The following CDH18 variants were observed in gnomAD, a reference collection of about 807,000 sequenced individuals.
CDH18 encodes the protein cadherin-18.
A neutral mutation model predicts 67.9 loss-of-function variants in CDH18; 31 were observed. The ratio of observed to expected loss-of-function variants is 0.46; its 90% CI spans 0.34 to 0.62. The LOEUF is 0.62. Among genes scored for constraint, CDH18 ranks in the 20% least tolerant of loss-of-function variants. The probability of loss-of-function intolerance (pLI) is 0.01; values close to 1 mark genes in which losing one functional copy is unlikely to be tolerated. For missense variants in CDH18, 890 were observed against 975.5 expected (o/e 0.91, Z 1.17); for synonymous variants, 362 against 347.2 (o/e 1.04, Z -0.48).
At chr5:20,127,178 G>C (rs1748905785) in intron 2 of CDH18, among the ~76,000 whole-genome samples, 1 of 152,040 alleles carries the variant, frequency 6.6e-6, no homozygotes, top group Non-Finnish European at 1.5e-5. Context: ...AGACCTGATT[G>C]TTAGAAAGTA....
At chr5:20,489,885 A>G (rs1191450595) in intron 1 of CDH18, among the ~76,000 whole-genome samples, 1 of 151,718 alleles carries the variant, frequency 6.6e-6, no homozygotes, top group Non-Finnish European at 1.5e-5. Context: ...TCAGGTTTTT[A>G]TTTTAATATT....
chr5:20,312,615 G>T (rs1737096568), intron 1 of CDH18, among the ~76,000 whole-genome samples: 1 of 151,990 alleles, frequency 6.6e-6, no homozygotes, highest in Non-Finnish European at 1.5e-5. Context: ...GCCCTTCCTT[G>T]AAAACTGCCC....
chr5:19,960,513 T>A (rs1486866217), intron 2 of CDH18, among the ~76,000 whole-genome samples: 1 of 150,516 alleles, frequency 6.6e-6, no homozygotes, highest in African/African-American at 2.4e-5. Context: ...CTGGAATATC[T>A]CCTGAAGGAC....
intron 2 of CDH18, among the ~76,000 whole-genome samples, chr5:20,222,426 T>C (rs1035934033): frequency 4.6e-5 from 7 of 152,116 alleles, no homozygotes; most frequent in African/African-American, 1.7e-4. Flanking sequence ...TCCCAAGCCA[T>C]AAATGTTGTA....
At chr5:19,851,636 A>C (rs1783705429) in intron 2 of CDH18, among the ~76,000 whole-genome samples, 1 of 151,880 alleles carries the variant, frequency 6.6e-6, no homozygotes, top group Non-Finnish European at 1.5e-5. Flanking sequence ...TTATAAATGC[A>C]TTTTATGTCT....
At chr5:20,010,392 A>G (rs1285406027) in intron 2 of CDH18, among the ~76,000 whole-genome samples, 1 of 151,960 alleles carries the variant, frequency 6.6e-6, no homozygotes, top group African/African-American at 2.4e-5. Flanking sequence ...TATTTTTAGT[A>G]GACACAGGGT....
At chr5:20,104,881 T>G (rs1437403319) in intron 2 of CDH18, among the ~76,000 whole-genome samples, 1 of 152,126 alleles carries the variant, frequency 6.6e-6, no homozygotes, top group East Asian at 1.9e-4. Context: ...AACATACACT[T>G]CCTATACCAT....
chr5:19,550,167 C>T (rs898340056), intron 8 of CDH18, among the ~76,000 whole-genome samples: 4 of 152,038 alleles, frequency 2.6e-5, no homozygotes, highest in African/African-American at 9.7e-5. Flanking sequence ...AAGAAAAAAG[C>T]TTCATGTAGT....
At chr5:19,878,838 G>C (rs1385920702) in intron 2 of CDH18, among the ~76,000 whole-genome samples, 1 of 151,760 alleles carries the variant, frequency 6.6e-6, no homozygotes, top group African/African-American at 2.4e-5. Flanking sequence ...TTTTTTGTGT[G>C]TCACAAAGTA....
chr5:20,399,173 A>G (rs1028942249), intron 1 of CDH18, among the ~76,000 whole-genome samples: 2 of 152,246 alleles, frequency 1.3e-5, no homozygotes, highest in African/African-American at 4.8e-5. Flanking sequence ...ACTAATGCAA[A>G]GATCAGGGAA....
chr5:19,833,808 T>C (rs188861539), intron 3 of CDH18, among the ~76,000 whole-genome samples: 136 of 152,342 alleles, frequency 8.9e-4, no homozygotes, highest in East Asian at 2.7e-3. Flanking sequence ...GTTCTGTTTA[T>C]GTGATGGATT....
chr5:20,173,479 G>A (rs946831333), intron 2 of CDH18, among the ~76,000 whole-genome samples: 3 of 152,102 alleles, frequency 2.0e-5, no homozygotes, highest in Admixed American at 1.3e-4. Context: ...AAGCTGGAGG[G>A]TCGGTAAGAT....
chr5:19,830,087 C>T (rs1176458194), intron 3 of CDH18, among the ~76,000 whole-genome samples: 1 of 152,082 alleles, frequency 6.6e-6, no homozygotes, highest in Admixed American at 6.6e-5. Flanking sequence ...TATAAAAACC[C>T]TGGAAGATGA....
At chr5:20,349,718 T>C (rs745651402) in intron 1 of CDH18, among the ~76,000 whole-genome samples, 14 of 152,238 alleles carry the variant, frequency 9.2e-5, no homozygotes, top group Middle Eastern at 3.4e-3. Flanking sequence ...TAACACTCTA[T>C]TGCACATGTC....
At chr5:19,977,173 T>C (rs147841143) in intron 2 of CDH18, among the ~76,000 whole-genome samples, 128 of 152,232 alleles carry the variant, frequency 8.4e-4, no homozygotes, top group South Asian at 4.4e-3. Context: ...AAAGTAAACA[T>C]GTAAGAGAAA....
At chr5:19,693,457 T>A (rs1279012884) in intron 5 of CDH18, among the ~76,000 whole-genome samples, 3 of 152,236 alleles carry the variant, frequency 2.0e-5, no homozygotes, top group Non-Finnish European at 2.9e-5. Flanking sequence ...CATTTCATTA[T>A]TTCTACATGA....
intron 9 of CDH18, among the ~76,000 whole-genome samples, chr5:19,530,644 T>G (rs1291471248): frequency 6.6e-6 from 1 of 152,092 alleles, no homozygotes; most frequent in African/African-American, 2.4e-5. Context: ...CCATGTGTTC[T>G]CATTGTTCAA....
chr5:19,786,844 G>A (rs187784081), intron 3 of CDH18, among the ~76,000 whole-genome samples: 5 of 151,976 alleles, frequency 3.3e-5, no homozygotes, highest in Admixed American at 2.0e-4. Context: ...AGGCATGGCT[G>A]GGGGGGTGTT....
At chr5:20,498,269 C>T (rs1754030233) in intron 1 of CDH18, among the ~76,000 whole-genome samples, 1 of 152,090 alleles carries the variant, frequency 6.6e-6, no homozygotes, top group South Asian at 2.1e-4. Flanking sequence ...CTCTCTTCCT[C>T]TTGCATATGC....
Sources: gnomAD v4.1 joint callset for allele counts (sites outside exome capture counted in the v4.1 genomes callset) on GRCh38, gnomAD v4.1.1 for gene constraint, MANE v1.5 for transcripts, NCBI Gene and HGNC (gene_info 2026-07-23, HGNC 2026-07-21) for gene names.